NCAM2: variants seen among roughly 807,000 people sequenced by gnomAD.
NCAM2 encodes neural cell adhesion molecule 2, also known as N-CAM-2.
In NCAM2, 30 loss-of-function variants were observed where a neutral mutation model predicts 98.1. The ratio of observed to expected loss-of-function variants is 0.31; its 90% confidence interval spans 0.23 to 0.41. NCAM2 has a LOEUF of 0.41. NCAM2 is among the 10% of genes least tolerant of loss of function. The pLI is 1.00. For missense variants in NCAM2, 867 were observed against 1,005.8 expected, an observed-to-expected ratio of 0.86 and a Z score of 1.87; for synonymous variants, 368 against 342.4, an observed-to-expected ratio of 1.07 and a Z score of -0.83.
chr21:21,448,714 T>C (rs879392170), intron 12 of NCAM2, among the ~76,000 whole-genome samples: 3 of 151,994 alleles, frequency 2.0e-5, no homozygotes, highest in South Asian at 2.1e-4. Flanking sequence ...TTTCATATGA[T>C]AAAGGAGAAA....
intron 1 of NCAM2, among the ~76,000 whole-genome samples, chr21:21,114,245 C>T (rs1461887712): frequency 6.6e-6 from 1 of 152,164 alleles, no homozygotes; most frequent in Non-Finnish European, 1.5e-5. Flanking sequence ...TGAGACTCTC[C>T]AGGCATATGC....
chr21:21,529,227 T>C (rs1989493878), intron 16 of NCAM2, among the ~76,000 whole-genome samples: 1 of 152,070 alleles, frequency 6.6e-6, no homozygotes, highest in East Asian at 1.9e-4. Context: ...ATTTTAGCTA[T>C]ATACATGGGC....
chr21:21,127,392 G>A (rs995710815), intron 1 of NCAM2, among the ~76,000 whole-genome samples: 6 of 151,978 alleles, frequency 3.9e-5, no homozygotes, highest in African/African-American at 1.2e-4. Context: ...TGCATAAAAT[G>A]TGTAACGATC....
intron 13 of NCAM2, among the ~76,000 whole-genome samples, chr21:21,467,058 A>G (rs1168687164): frequency 6.6e-6 from 1 of 151,928 alleles, no homozygotes; most frequent in Non-Finnish European, 1.5e-5. Flanking sequence ...AAAAATGTCT[A>G]TGTAACATGT....
chr21:21,523,381 G>A (rs567076157), intron 16 of NCAM2, among the ~76,000 whole-genome samples: 24 of 151,360 alleles, frequency 1.6e-4, no homozygotes, highest in African/African-American at 5.1e-4. Flanking sequence ...GTGAGAGATA[G>A]GGGTCTGGTT....
At chr21:21,027,931 G>A (rs145927877) in intron 1 of NCAM2, among the ~76,000 whole-genome samples, 9,265 of 150,126 alleles carry the variant, frequency 0.062, 275 homozygotes, top group East Asian at 0.073. Flanking sequence ...ATCTCGGCTC[G>A]CTGCAACCTC....
At chr21:21,139,421 G>A (rs918204271) in intron 1 of NCAM2, among the ~76,000 whole-genome samples, 2 of 152,214 alleles carry the variant, frequency 1.3e-5, no homozygotes, top group African/African-American at 4.8e-5. Context: ...GAATACAGAT[G>A]TGTTAATGTC....
chr21:21,049,867 A>G (rs1194065811), intron 1 of NCAM2, among the ~76,000 whole-genome samples: 3 of 143,824 alleles, frequency 2.1e-5, no homozygotes, highest in African/African-American at 7.6e-5. Context: ...GTGAAACTCC[A>G]TCTCAAAAAA....
chr21:21,045,812 T>C (rs529312438), intron 1 of NCAM2, among the ~76,000 whole-genome samples: 1 of 152,222 alleles, frequency 6.6e-6, no homozygotes, highest in Non-Finnish European at 1.5e-5. Context: ...TGTCACATGA[T>C]GTTAGCCATA....
chr21:21,272,690 A>G (rs2072562258), intron 1 of NCAM2, among the ~76,000 whole-genome samples: 1 of 152,020 alleles, frequency 6.6e-6, no homozygotes, highest in Non-Finnish European at 1.5e-5. Context: ...GGATATTTTG[A>G]GTATTTATAT....
At chr21:21,237,724 A>G (rs921405349) in intron 1 of NCAM2, among the ~76,000 whole-genome samples, 9 of 152,072 alleles carry the variant, frequency 5.9e-5, no homozygotes, top group South Asian at 4.1e-4. Context: ...TCCCATAGCT[A>G]TATTTCCTAA....
intron 10 of NCAM2, among the ~76,000 whole-genome samples, chr21:21,418,145 G>A (rs943047433): frequency 6.6e-6 from 1 of 151,708 alleles, no homozygotes; most frequent in Non-Finnish European, 1.5e-5. Context: ...ATTTCAAACT[G>A]TGTACTACTT....
chr21:21,487,830 G>A (rs1019909036), intron 15 of NCAM2, among the ~76,000 whole-genome samples: 1 of 152,108 alleles, frequency 6.6e-6, no homozygotes, highest in Non-Finnish European at 1.5e-5. Flanking sequence ...AGGCCTAGGA[G>A]GTAGCAGTAA....
chr21:21,264,666 TAC>T (rs1051676896), intron 1 of NCAM2, among the ~76,000 whole-genome samples: 147 of 149,574 alleles, frequency 9.8e-4, no homozygotes, highest in African/African-American at 2.7e-3. Flanking sequence ...TATATATATA[TAC>T]ACACACACAC....
At chr21:21,045,631 C>T (rs1257113714) in intron 1 of NCAM2, among the ~76,000 whole-genome samples, 1 of 151,958 alleles carries the variant, frequency 6.6e-6, no homozygotes, top group Non-Finnish European at 1.5e-5. Context: ...GCCTGGGTGA[C>T]AAAGCAAGAC....
chr21:21,391,822 T>C (rs895833790), intron 9 of NCAM2, among the ~76,000 whole-genome samples: 16 of 152,170 alleles, frequency 1.1e-4, no homozygotes, highest in African/African-American at 3.4e-4. Context: ...ACAAGTTATT[T>C]TTATGATAAT....
At chr21:21,483,173 G>A (rs901356245) in intron 15 of NCAM2, among the ~76,000 whole-genome samples, 7 of 151,904 alleles carry the variant, frequency 4.6e-5, no homozygotes, top group African/African-American at 1.4e-4. Context: ...CAAAAAAGAC[G>A]TTAGTATCTT....
chr21:21,029,017 G>A (rs1296101169), intron 1 of NCAM2, among the ~76,000 whole-genome samples: 5 of 152,144 alleles, frequency 3.3e-5, no homozygotes. Flanking sequence ...TGCAAACAGA[G>A]CCGTTTTTAA....
chr21:21,194,044 T>C (rs557339500), intron 1 of NCAM2, among the ~76,000 whole-genome samples: 31 of 152,164 alleles, frequency 2.0e-4, no homozygotes, highest in Middle Eastern at 3.4e-3. Flanking sequence ...AACAAAGCAA[T>C]GAGAAAGAAT....
Sources: gnomAD v4.1 joint callset for allele counts (sites outside exome capture counted in the v4.1 genomes callset) on GRCh38, gnomAD v4.1.1 for gene constraint, MANE v1.5 for transcripts, NCBI Gene and HGNC (gene_info 2026-07-23, HGNC 2026-07-21) for gene names.